FARS2: variants seen among roughly 807,000 people sequenced by gnomAD.
FARS2 encodes phenylalanine--tRNA ligase, mitochondrial.
In FARS2, 40 loss-of-function variants were observed where a neutral mutation model predicts 46.4. The observed-to-expected ratio is 0.86, with a 90% confidence interval of 0.67 to 1.12. FARS2 has a LOEUF of 1.12. Ranked by LOEUF, FARS2 falls within the 50% of genes most tolerant of loss-of-function variation. The pLI, the probability that FARS2 is intolerant of heterozygous loss-of-function variation, is 0.00. For synonymous variants in FARS2, 234 were observed against 214.9 expected (o/e 1.09, Z -0.78); for missense variants, 513 against 567.9 (o/e 0.90, Z 0.98).
intron 4 of FARS2, chr6:5,452,698 T>C (rs1465502836): frequency 2.0e-5 from 3 of 152,176 alleles, no homozygotes; most frequent in Non-Finnish European, 4.4e-5. Flanking sequence ...ACTTCTGGAC[T>C]GGAAGATAGA....
At chr6:5,379,512 A>C (rs1352131326) in intron 2 of FARS2, among the ~76,000 whole-genome samples, 1 of 152,148 alleles carries the variant, frequency 6.6e-6, no homozygotes, top group Non-Finnish European at 1.5e-5. Context: ...CCTTAGGACT[A>C]AGACGGGGAC....
chr6:5,399,784 A>G (rs1051244271), intron 2 of FARS2, among the ~76,000 whole-genome samples: 12 of 152,144 alleles, frequency 7.9e-5, no homozygotes, highest in African/African-American at 2.9e-4. Flanking sequence ...AAATCATTCC[A>G]TATCAGTCCA....
intron 1 of FARS2, among the ~76,000 whole-genome samples, chr6:5,344,490 A>C (rs1048727197): frequency 6.6e-6 from 1 of 152,136 alleles, no homozygotes; most frequent in African/African-American, 2.4e-5. Context: ...AAGTGCAGGC[A>C]ACTGAGTCTA....
Position 5,771,293 on chromosome 6 carries a change from C to G in FARS2, c.1220C>G (p.Thr407Arg). The change falls in exon 7 of 7, where the codon ACG (threonine) becomes AGG (arginine). Residue 407 changes from threonine to arginine, a missense_variant and splice_region_variant. Thr to Arg is a moderately conservative substitution (Grantham distance 71). Transcript: ENST00000274680. ...DLIDKFVHPK[T>R]HKTSHCYRIT... ...CTGTGTTCTCTTCCTCTCTGTAGGACGCACAAGACCAGCCACTGCTACCGC... is the reference window on the plus strand; with the variant it reads ...CTGTGTTCTCTTCCTCTCTGTAGGAGGCACAAGACCAGCCACTGCTACCGC... 6.2e-7 allele frequency: 1 copy of G among 1,614,090 alleles called. No individual in the cohort carries two copies. The highest frequency in any genetic ancestry group is 8.5e-7 in the Non-Finnish European group (1 of 1,179,984).
chr6:5,621,988 A>T (rs1215178775), intron 6 of FARS2, among the ~76,000 whole-genome samples: 1 of 152,232 alleles, frequency 6.6e-6, no homozygotes, highest in East Asian at 1.9e-4. Flanking sequence ...TTTTCTAGCC[A>T]GTCTGCTTCA....
chr6:5,446,559 T>C (rs1157284296), intron 4 of FARS2, among the ~76,000 whole-genome samples: 2 of 152,102 alleles, frequency 1.3e-5, no homozygotes, highest in African/African-American at 4.8e-5. Flanking sequence ...TAGAGGCTGA[T>C]GGGTAAACTG....
intron 4 of FARS2, among the ~76,000 whole-genome samples, chr6:5,524,865 A>G (rs1769364575): frequency 1.3e-5 from 2 of 152,310 alleles, no homozygotes; most frequent in Non-Finnish European, 2.9e-5. Context: ...GGCTATGCTT[A>G]TAGGACAGGA....
chr6:5,272,881 C>T (rs368776341), intron 1 of FARS2, among the ~76,000 whole-genome samples: 11 of 152,166 alleles, frequency 7.2e-5, no homozygotes, highest in African/African-American at 2.4e-4. Flanking sequence ...ACTTTTTTAG[C>T]TCCGACATAC....
intron 4 of FARS2, among the ~76,000 whole-genome samples, chr6:5,512,969 C>T (rs759804011): frequency 1.3e-4 from 20 of 152,086 alleles, no homozygotes; most frequent in South Asian, 6.2e-4. Context: ...ATAGGTTTGA[C>T]GCAAGAAAGT....
chr6:5,394,735 T>C (rs1486938843), intron 2 of FARS2, among the ~76,000 whole-genome samples: 1 of 152,160 alleles, frequency 6.6e-6, no homozygotes, highest in Non-Finnish European at 1.5e-5. Flanking sequence ...AAGTGTCACT[T>C]TGAAACATCT....
At chr6:5,753,246 C>A (rs1762045477) in intron 6 of FARS2, among the ~76,000 whole-genome samples, 1 of 152,102 alleles carries the variant, frequency 6.6e-6, no homozygotes, top group African/African-American at 2.4e-5. Flanking sequence ...AAGATGGTGG[C>A]CAGAGGGGAC....
chr6:5,718,028 C>T (rs1015794362), intron 6 of FARS2, among the ~76,000 whole-genome samples: 1 of 151,360 alleles, frequency 6.6e-6, no homozygotes, highest in African/African-American at 2.4e-5. Context: ...GATTCTCAAA[C>T]CTCAGCCTCC....
intron 4 of FARS2, among the ~76,000 whole-genome samples, chr6:5,488,157 T>G (rs974692386): frequency 6.6e-6 from 1 of 152,236 alleles, no homozygotes; most frequent in Non-Finnish European, 1.5e-5. Flanking sequence ...GACCCTTTTT[T>G]ACCTCTGTCT....
At chr6:5,612,598 A>G (rs1775250405) in intron 5 of FARS2, among the ~76,000 whole-genome samples, 1 of 151,528 alleles carries the variant, frequency 6.6e-6, no homozygotes, top group African/African-American at 2.5e-5. Context: ...GCTGGAAAAA[A>G]TGGAATAAAG....
chr6:5,444,482 AAAAAAAAAAAAG>A (rs1426163131), intron 4 of FARS2, among the ~76,000 whole-genome samples: 1 of 92,282 alleles, frequency 1.1e-5, no homozygotes, highest in Non-Finnish European at 2.0e-5. Context: ...AAAAAAAAAA[AAAAAAAAAAAAG>A]AGAGAGAGAG....
chr6:5,713,451 T>G (rs191262432), intron 6 of FARS2, among the ~76,000 whole-genome samples: 1 of 152,340 alleles, frequency 6.6e-6, no homozygotes, highest in East Asian at 1.9e-4. Flanking sequence ...GGCTCATTCT[T>G]TTGTAGGACA....
At chr6:5,444,508 GAGA>G (rs1764061107) in intron 4 of FARS2, among the ~76,000 whole-genome samples, 1 of 122,172 alleles carries the variant, frequency 8.2e-6, no homozygotes, top group African/African-American at 3.4e-5. Context: ...GAGAGAGAGA[GAGA>G]GAGGAAAAAA....
At chr6:5,451,399 A>C (rs147418129) in intron 4 of FARS2, among the ~76,000 whole-genome samples, 39 of 152,284 alleles carry the variant, frequency 2.6e-4, no homozygotes, top group African/African-American at 8.2e-4. Context: ...TGTCTCCAGG[A>C]AACATGTTCT....
chr6:5,640,053 T>C (rs1431600904), intron 6 of FARS2, among the ~76,000 whole-genome samples: 1 of 152,216 alleles, frequency 6.6e-6, no homozygotes, highest in Admixed American at 6.5e-5. Flanking sequence ...GTAAAAGTTG[T>C]ATTCCCAAGA....
Sources: gnomAD v4.1 joint callset for allele counts (sites outside exome capture counted in the v4.1 genomes callset) on GRCh38, gnomAD v4.1.1 for gene constraint, MANE v1.5 for transcripts, NCBI Gene and HGNC (gene_info 2026-07-23, HGNC 2026-07-21) for gene names.